SLC16A3: variants seen among roughly 807,000 people sequenced by gnomAD.
SLC16A3 encodes the protein solute carrier family 16 member 3.
Under a neutral mutation model 25.0 loss-of-function variants are expected in SLC16A3, and 22 were observed. The ratio of observed to expected loss-of-function variants is 0.88; its 90% CI spans 0.63 to 1.26. The LOEUF is 1.26. Ranked by LOEUF, SLC16A3 falls within the 50% of genes most tolerant of loss-of-function variation. The probability of loss-of-function intolerance (pLI) is 0.00; values close to 1 mark genes in which losing one functional copy is unlikely to be tolerated. For missense variants in SLC16A3, 731 were observed against 666.6 expected (o/e 1.10, Z -1.06); for synonymous variants, 390 against 309.2 (o/e 1.26, Z -2.74).
Position 82,237,431 on chromosome 17 carries a change from A to G in SLC16A3, c.661A>G (p.Ser221Gly), listed in dbSNP as rs2147132313. ...PRPSRRLLDL[S>G]VFRDRGFVLY... ...ACCCTCCCGGCGCCTGCTAGACCTG[A>G]GCGTCTTCCGGGACCGCGGCTTTGT... Residue 221 changes from serine (S) to glycine (G), a missense_variant, in exon 4 of 5, where the codon AGC (serine) becomes GGC (glycine). Transcript: ENST00000582743. 6.3e-7 allele frequency: 1 copy of G among 1,586,042 alleles called. No homozygotes were observed.
At chr17:82,238,210 T>G (rs2050665221) in intron 4 of SLC16A3, among the ~76,000 whole-genome samples, 12 of 152,154 alleles carry the variant, frequency 7.9e-5, no homozygotes, top group Admixed American at 7.9e-4. Flanking sequence ...GCTTTTGCAT[T>G]TTGGGGCCTC....
At chr17:82,229,544 T>G (rs2050460404) in intron 1 of SLC16A3, 1 of 152,234 alleles carries the variant, frequency 6.6e-6, no homozygotes, top group South Asian at 2.1e-4. Context: ...GGGGAGCACT[T>G]GCGCTCGGGC....
chr17:82,237,322 C>T lies in SLC16A3; in HGVS notation c.552C>T (p.Gly184=), dbSNP rs752949014. ...YGWRGGFLIL[G]GLLLNCCVCA... ...GGCGGGGCGGCTTCCTCATCCTGGG[C>T]GGCCTGCTGCTCAACTGCTGCGTGT... Residue 184 remains glycine, a synonymous_variant, in exon 4 of 5, where the codon GGC becomes GGT. Transcript: ENST00000582743. 1.2e-5 allele frequency: 18 copies of T among 1,542,988 alleles called. 1 individual carries two copies. Among genetic ancestry groups the T allele is most frequent in the African/African-American group, 2.7e-5 (2 of 73,018 alleles).
chr17:82,235,992 A>G lies in SLC16A3; in HGVS notation c.-17A>G. ...CTGCTTTCTCTCTCAGGTGAGGCGG[A>G]ACCAACCCTCCTGGCCATGGGAGGG... On this transcript the variant is annotated 5_prime_UTR_variant, in exon 2 of 5. Transcript: ENST00000582743. 1.2e-6 allele frequency: 2 copies of G among 1,605,140 alleles called. No individual in the cohort carries two copies. Among genetic ancestry groups the G allele is most frequent in the Non-Finnish European group, 1.7e-6 (2 of 1,176,192 alleles).
At position 82,232,617 on chromosome 17, in the gene SLC16A3, C is replaced by A. The variant is rs78458437; in HGVS notation, c.-26-3366C>A. ...GCAGGCACCCAGGTCCTGAGGACTT[C>A]ATGGTCGAATCCTGGTCTAAAGCCA... On this transcript the variant is annotated intron_variant, in intron 1 of 4. Coordinates refer to ENST00000582743, the MANE Select transcript of SLC16A3 (RefSeq NM_004207.4). Among the ~76,000 whole-genome samples the A allele has an allele frequency of 3.9e-3, 591 of 152,336 alleles. 29 individuals are homozygous for A. The East Asian group carries it at 0.086, about 22-fold the overall frequency.
chr17:82,237,949 G>T lies in SLC16A3; in HGVS notation c.1123+56G>T. 2.6e-6 allele frequency: 4 copies of T among 1,558,342 alleles called. No homozygotes were observed. In the South Asian group the frequency reaches 4.7e-5, roughly 18 times the overall value. ...CACCTGCCCTTCCCGTCAGACGCCCGCTTTGCGAGGGGGGGGACGCGCACC... is the reference window on the plus strand; with the variant it reads ...CACCTGCCCTTCCCGTCAGACGCCCTCTTTGCGAGGGGGGGGACGCGCACC... On this transcript the variant is annotated intron_variant, in intron 4 of 4. Transcript: ENST00000582743.
chr17:82,236,885 G>A lies in SLC16A3; in HGVS notation c.367+13G>A, dbSNP rs777270913. 2.1e-5 allele frequency: 34 copies of A among 1,602,498 alleles called. No individual in the cohort carries two copies. The highest frequency in any genetic ancestry group is 1.7e-4 in the Middle Eastern group (1 of 5,882). On this transcript the variant is annotated intron_variant, in intron 3 of 4. Transcript: ENST00000582743. ...GGGGTCATCACGGGTGAGTGGGGCCGGCCGGTGGGCCGCACGTGCCAGGAG... is the reference window on the plus strand; with the variant it reads ...GGGGTCATCACGGGTGAGTGGGGCCAGCCGGTGGGCCGCACGTGCCAGGAG...
intron 1 of SLC16A3, chr17:82,232,271 C>T (rs943395475): frequency 6.6e-6 from 1 of 152,406 alleles, no homozygotes; most frequent in Admixed American, 6.5e-5. Flanking sequence ...GGGCTCAGGC[C>T]ACTGCACGGA....
At chr17:82,229,245 T>C (rs1416239395) in intron 1 of SLC16A3, 139 bp downstream of exon 1, 1 of 151,906 alleles carries the variant, frequency 6.6e-6, no homozygotes, top group Non-Finnish European at 1.5e-5. Flanking sequence ...GCCCGGGGCA[T>C]GGACTAGCCT....
intron 1 of SLC16A3, chr17:82,230,433 C>G (rs1013866412): frequency 3.9e-5 from 6 of 152,370 alleles, no homozygotes; most frequent in African/African-American, 1.2e-4. Context: ...GCCCGCCATC[C>G]AGGCCACCCA....
intron 2 of SLC16A3, 22 bp downstream of exon 2, chr17:82,236,253 G>C (rs575028404): frequency 3.7e-6 from 6 of 1,602,794 alleles, no homozygotes; most frequent in Admixed American, 1.7e-5. Context: ...CTCACACCGG[G>C]CCCCCTGTCC....
rs760636687 is a variant in SLC16A3, at chr17:82,237,808, C to T, written c.1038C>T (p.Ile346=). The change falls in exon 4 of 5, where the codon ATC becomes ATT. Residue 346 remains isoleucine (I), a synonymous_variant. Coordinates refer to ENST00000582743, the MANE Select transcript of SLC16A3 (RefSeq NM_004207.4). The part of the protein sequence containing the change: ...GALQFEVLMA[I]VGTHKFSSAI... ...TGCAGTTCGAGGTGCTCATGGCCAT[C>T]GTGGGCACCCACAAGTTCTCCAGTG... 10 of 1,610,278 alleles carry T rather than the reference C, an allele frequency of 6.2e-6. No homozygotes were observed. The highest frequency in any genetic ancestry group is 2.2e-5 in the South Asian group (2 of 91,088).
At chr17:82,217,949 G>A (rs1278592973) in exon 1 of SLC16A3, among the ~76,000 whole-genome samples, 9 of 152,202 alleles carry the variant, frequency 5.9e-5, no homozygotes, top group African/African-American at 1.9e-4. Context: ...CCAGGCCCCC[G>A]GCCCCATAGG....
intron 1 of SLC16A3, among the ~76,000 whole-genome samples, chr17:82,219,195 C>T (rs1311878654): frequency 6.6e-6 from 1 of 152,062 alleles, no homozygotes; most frequent in Non-Finnish European, 1.5e-5. Flanking sequence ...AGGAGGACAC[C>T]CGGGACCAGG....
chr17:82,237,805 C>G lies in SLC16A3; in HGVS notation c.1035C>G (p.Ala345=), dbSNP rs773299395. 1 of 1,610,616 alleles carries G rather than the reference C, an allele frequency of 6.2e-7. No homozygotes were observed. The highest frequency in any genetic ancestry group is 1.1e-5 in the South Asian group (1 of 91,088). The change falls in exon 4 of 5, where the codon GCC becomes GCG. Residue 345 remains alanine (A), a synonymous_variant. Transcript: ENST00000582743. ...VGALQFEVLM[A]IVGTHKFSSA... ...CCCTGCAGTTCGAGGTGCTCATGGC[C>G]ATCGTGGGCACCCACAAGTTCTCCA...
intron 1 of SLC16A3, chr17:82,233,708 T>A (rs1329395509): frequency 6.6e-6 from 1 of 152,290 alleles, no homozygotes; most frequent in African/African-American, 2.4e-5. Context: ...GCATGGCCTG[T>A]TTATTTTTAA....
intron 1 of SLC16A3, chr17:82,229,589 A>T (rs1599551958): frequency 1.3e-5 from 2 of 151,656 alleles, no homozygotes; most frequent in Admixed American, 6.6e-5. Flanking sequence ...CACCCTGAAC[A>T]CTCCCCGACC....
chr17:82,238,494 C>T (rs575193729), intron 4 of SLC16A3, among the ~76,000 whole-genome samples: 1 of 152,324 alleles, frequency 6.6e-6, no homozygotes, highest in African/African-American at 2.4e-5. Flanking sequence ...CTATTTTTAG[C>T]CTCTTAAGTC....
At chr17:82,236,618 G>C (rs1186009799) in intron 2 of SLC16A3, 111 bp from the exon 3 acceptor site, 14 of 1,466,274 alleles carry the variant, frequency 9.5e-6, no homozygotes, top group African/African-American at 1.4e-5. Flanking sequence ...TGCCCCGCGG[G>C]GGGAGGGGTG....
Sources: allele counts gnomAD v4.1 joint callset (sites outside exome capture counted in the v4.1 genomes callset), GRCh38; gene constraint gnomAD v4.1.1; transcripts MANE v1.5; gene names NCBI Gene and HGNC (gene_info 2026-07-23, HGNC 2026-07-21).